SMAP1: variants seen among roughly 807,000 people sequenced by gnomAD.
SMAP1 encodes small ArfGAP 1, also known as stromal membrane-associated protein 1.
SMAP1 carries 24 observed loss-of-function variants against 58.5 expected under a neutral mutation model. The ratio of observed to expected loss-of-function variants is 0.41; its 90% CI spans 0.30 to 0.58. The LOEUF (loss-of-function observed/expected upper bound fraction) is 0.58, where lower values mean the gene tolerates loss of function less well. Among genes scored for constraint, SMAP1 ranks in the 20% least tolerant of loss-of-function variants. The probability of loss-of-function intolerance (pLI) is 0.29; values close to 1 mark genes in which losing one functional copy is unlikely to be tolerated. For synonymous variants in SMAP1, 216 were observed against 196.6 expected (o/e 1.10, Z -0.82); for missense variants, 563 against 566.3 (o/e 0.99, Z 0.06).
chr6:70,852,509 A>C, intron 7 of SMAP1, 31 bp from the exon 8 acceptor site: 1 of 1,476,716 alleles, frequency 6.8e-7, no homozygotes, highest in Non-Finnish European at 9.0e-7. Context: ...AAGATATTCT[A>C]CGTTAAGACG....
chr6:70,802,845 A>T (rs1340993118), intron 6 of SMAP1, among the ~76,000 whole-genome samples: 1 of 149,492 alleles, frequency 6.7e-6, no homozygotes, highest in Non-Finnish European at 1.5e-5. Context: ...CTTGCATCCC[A>T]GGGATGAAGC....
intron 10 of SMAP1, 159 bp downstream of exon 10, chr6:70,858,388 A>G: frequency 1.7e-6 from 1 of 601,396 alleles, no homozygotes; most frequent in Non-Finnish European, 2.6e-6. Context: ...TATAAATATT[A>G]TGAAGTTGTA....
intron 7 of SMAP1, 100 bp from the exon 8 acceptor site, chr6:70,852,440 T>A: frequency 8.4e-7 from 1 of 1,195,376 alleles, no homozygotes. Context: ...ACTTTTGAAC[T>A]GTTCTTTTTT....
chr6:70,818,650 A>T (rs1769749318), intron 6 of SMAP1, among the ~76,000 whole-genome samples: 1 of 151,866 alleles, frequency 6.6e-6, no homozygotes, highest in South Asian at 2.1e-4. Flanking sequence ...TTCAGATGAG[A>T]TAGTGGAGCT....
chr6:70,690,306 C>A (rs1232565729), intron 1 of SMAP1, among the ~76,000 whole-genome samples: 2 of 148,416 alleles, frequency 1.3e-5, no homozygotes, highest in Non-Finnish European at 3.0e-5. Context: ...TTTTTAAAAT[C>A]TTTTTTTTTT....
At chr6:70,793,674 A>AG (rs1768468003) in intron 5 of SMAP1, among the ~76,000 whole-genome samples, 2 of 132,162 alleles carry the variant, frequency 1.5e-5, no homozygotes, top group African/African-American at 2.8e-5. Flanking sequence ...GAGAGAGAGA[A>AG]AGCTTAAAAA....
intron 6 of SMAP1, among the ~76,000 whole-genome samples, chr6:70,823,792 GTGGT>G (rs1769995524): frequency 1.3e-5 from 2 of 150,538 alleles, no homozygotes; most frequent in African/African-American, 2.4e-5. Flanking sequence ...TTTATAATCT[GTGGT>G]TGGTTGAATT....
chr6:70,755,220 A>G (rs1766437496), intron 3 of SMAP1, among the ~76,000 whole-genome samples, 155 bp downstream of exon 3: 1 of 152,004 alleles, frequency 6.6e-6, no homozygotes, highest in Admixed American at 6.6e-5. Flanking sequence ...TGCTTTGTAT[A>G]TGGTAGGTTT....
At chr6:70,759,356 T>TGGCAGGGTGG (rs1766651682) in intron 3 of SMAP1, among the ~76,000 whole-genome samples, 1 of 152,054 alleles carries the variant, frequency 6.6e-6, no homozygotes, top group Non-Finnish European at 1.5e-5. Context: ...TTTGTGTCTG[T>TGGCAGGGTGG]GGCAGGGTGG....
At chr6:70,846,146 G>A (rs1401643045) in intron 7 of SMAP1, among the ~76,000 whole-genome samples, 1 of 152,176 alleles carries the variant, frequency 6.6e-6, no homozygotes, top group Non-Finnish European at 1.5e-5. Context: ...GACTGAAAAG[G>A]ATTTGTAGCC....
intron 2 of SMAP1, among the ~76,000 whole-genome samples, chr6:70,734,338 G>A (rs1448651058): frequency 1.3e-5 from 2 of 152,166 alleles, no homozygotes; most frequent in East Asian, 3.8e-4. Flanking sequence ...TAGAGGTGGG[G>A]TTTTGCCATG....
chr6:70,804,603 C>A (rs781184122), intron 6 of SMAP1, among the ~76,000 whole-genome samples: 13 of 152,074 alleles, frequency 8.5e-5, no homozygotes, highest in Admixed American at 3.3e-4. Context: ...GATGGTCTTT[C>A]CAATTTGGCC....
intron 1 of SMAP1, among the ~76,000 whole-genome samples, chr6:70,670,963 A>C (rs1766239218): frequency 1.3e-5 from 2 of 152,220 alleles, no homozygotes; most frequent in African/African-American, 4.8e-5. Context: ...TGCTCTTACC[A>C]AATCTGTTGA....
chr6:70,795,256 A>G (rs1440268637), intron 5 of SMAP1, among the ~76,000 whole-genome samples: 1 of 152,200 alleles, frequency 6.6e-6, no homozygotes, highest in Non-Finnish European at 1.5e-5. Flanking sequence ...CCCACCAATC[A>G]TGGTGATTAG....
chr6:70,797,049 T>C (rs1768635809), intron 5 of SMAP1, among the ~76,000 whole-genome samples: 1 of 152,198 alleles, frequency 6.6e-6, no homozygotes, highest in South Asian at 2.1e-4. Context: ...CTGCCTTTTA[T>C]TAATGGCTAA....
chr6:70,775,227 A>G (rs188678439), intron 4 of SMAP1, among the ~76,000 whole-genome samples: 1 of 152,180 alleles, frequency 6.6e-6, no homozygotes, highest in African/African-American at 2.4e-5. Context: ...AGTGTAATGT[A>G]TTTTCATATG....
intron 1 of SMAP1, among the ~76,000 whole-genome samples, chr6:70,729,960 A>C (rs1765359394): frequency 6.6e-6 from 1 of 152,222 alleles, no homozygotes; most frequent in South Asian, 2.1e-4. Context: ...CACAGAATTA[A>C]GAGTCTTCAT....
At chr6:70,711,686 C>T (rs915293963) in intron 1 of SMAP1, among the ~76,000 whole-genome samples, 2 of 151,940 alleles carry the variant, frequency 1.3e-5, no homozygotes, top group African/African-American at 2.4e-5. Flanking sequence ...TGCCACCATG[C>T]CCGGCTAATT....
intron 6 of SMAP1, among the ~76,000 whole-genome samples, chr6:70,828,190 CTT>C (rs1278597477): frequency 2.6e-5 from 4 of 152,002 alleles, no homozygotes; most frequent in Admixed American, 1.3e-4. Context: ...AGTCAAAAGA[CTT>C]TATTTGAGTA....
Sources: allele counts gnomAD v4.1 joint callset (sites outside exome capture counted in the v4.1 genomes callset), GRCh38; gene constraint gnomAD v4.1.1; transcripts MANE v1.5; gene names NCBI Gene and HGNC (gene_info 2026-07-23, HGNC 2026-07-21).